The following TET1 variants were observed in gnomAD, a reference collection of about 807,000 sequenced individuals.
The protein encoded by TET1 is tet methylcytosine dioxygenase 1, also known as methylcytosine dioxygenase TET1.
Under a neutral mutation model 148.7 loss-of-function variants are expected in TET1, and 13 were observed. The observed-to-expected ratio is 0.09, with a 90% CI of 0.06 to 0.14. TET1 has a LOEUF of 0.14. Among genes scored for constraint, TET1 ranks in the 10% least tolerant of loss-of-function variants. The probability of loss-of-function intolerance (pLI) is 1.00; values close to 1 mark genes in which losing one functional copy is unlikely to be tolerated. For synonymous variants in TET1, 907 were observed against 937.2 expected (o/e 0.97, Z 0.59); for missense variants, 2,182 against 2,553.8 (o/e 0.85, Z 3.14).
In TET1 at chr10:68,593,915, ATTTTTT is replaced by A. The variant is rs3998851; in HGVS notation, c.1915-7043_1915-7038del. 7.2e-3 allele frequency among the ~76,000 whole-genome samples: 324 copies of A among 44,728 alleles called. 3 individuals are homozygous for A. The highest frequency in any genetic ancestry group is 0.019 in the African/African-American group (226 of 11,930). 29.3% of individuals were successfully genotyped at this position (44,728 alleles called of 152,430 possible). A position where few individuals can be genotyped will look rare whatever the true frequency, so the allele number is the denominator to read the frequency against. On this transcript the variant is annotated intron_variant, in intron 2 of 11. Transcript: ENST00000373644. The stretch of plus-strand genomic sequence containing the variant: ...AGGCGTGAGCCACTGCGCCTGAGCT[ATTTTTT>A]TTTTTTTTTTTTTTTTTTTTTTGAG...
intron 4 of TET1, among the ~76,000 whole-genome samples, chr10:68,648,919 A>G (rs1300029667): frequency 6.6e-6 from 1 of 152,214 alleles, no homozygotes. Context: ...GCTAACACAC[A>G]GTTTTGACAA....
In TET1 at chr10:68,573,784, C is replaced by G; in HGVS notation, c.1446C>G (p.Asn482Lys). 1.2e-6 allele frequency: 2 copies of G among 1,614,036 alleles called. No homozygotes were observed. The highest frequency in any genetic ancestry group is 1.7e-6 in the Non-Finnish European group (2 of 1,180,028). ...GSGHTPQSSS[N>K]SEKNSLPPVM... ...GACACACTCCTCAATCATCATCAAA[C>G]TCAGAGAAAAATTCATTACCTCCAG... is the stretch of plus-strand genomic sequence containing the variant. The change falls in exon 2 of 12, where the codon AAC becomes AAG. Residue 482 changes from asparagine (N) to lysine (K), a missense_variant. Asn to Lys is a moderately conservative substitution (Grantham distance 94). This residue lies in a region of TET1 where 665 missense variants were observed against 672.4 expected (regional missense o/e 0.99). Transcript: ENST00000373644.
chr10:68,565,046 T>G (rs1448568455), intron 1 of TET1, among the ~76,000 whole-genome samples: 1 of 152,046 alleles, frequency 6.6e-6, no homozygotes. Flanking sequence ...AACCTGATAT[T>G]GAGAAACATT....
chr10:68,600,661 G>C (rs2054043251), intron 2 of TET1, among the ~76,000 whole-genome samples: 1 of 152,192 alleles, frequency 6.6e-6, no homozygotes, highest in African/African-American at 2.4e-5. Context: ...TTGCAGAACT[G>C]TTCCACTGTA....
rs763389366 is a variant in TET1, at chr10:68,690,764, A to G, written c.5405-44A>G. 2.6e-6 allele frequency: 4 copies of G among 1,521,448 alleles called. No individual in the cohort carries two copies. The African/African-American group carries it at 4.2e-5, about 16-fold the overall frequency. The allele number at this position is 1,521,448 out of a possible 1,614,324, so 94.2% of individuals were successfully genotyped here. On this transcript the variant is annotated intron_variant, in intron 11 of 11. Coordinates refer to ENST00000373644, the MANE Select transcript of TET1 (RefSeq NM_030625.3). ...TACTTTTTAAAAGGCAACCCCTACC[A>G]AAAGTAATTTGTATTTTTCTTCACA...
intron 2 of TET1, among the ~76,000 whole-genome samples, chr10:68,597,241 C>T (rs1446988549): frequency 1.3e-5 from 2 of 151,806 alleles, no homozygotes; most frequent in African/African-American, 2.4e-5. Context: ...ATCATATTGG[C>T]CAGGCTGGTC....
chr10:68,618,929 G>A (rs914121268), intron 3 of TET1, among the ~76,000 whole-genome samples: 2 of 152,062 alleles, frequency 1.3e-5, no homozygotes, highest in Non-Finnish European at 1.5e-5. Context: ...ATCTTGCCAC[G>A]TCACTCCAGC....
In TET1 at chr10:68,645,282, T is replaced by A; in HGVS notation, c.2553T>A (p.Asn851Lys). The change falls in exon 4 of 12, where the codon AAT (asparagine) becomes AAA (lysine). Residue 851 changes from asparagine (N) to lysine (K), a missense_variant. Around this residue, in one of 11 missense-constraint regions of TET1, gnomAD observed 582 missense variants for 599.5 expected, o/e 0.97. Transcript: ENST00000373644. ...SIINHHASIH[N>K]EGDQPKTPEN... ...TAAATCATCATGCTAGTATACACAA[T>A]GAAGGTGATCAACCAAAAACTCCTG... The A allele has an allele frequency of 6.2e-7, 1 of 1,614,118 alleles. No homozygotes were observed. Among genetic ancestry groups the A allele is most frequent in the Non-Finnish European group, 8.5e-7 (1 of 1,180,038 alleles).
At chr10:68,667,020 A>T in intron 6 of TET1, 25 bp from the exon 7 acceptor site, 2 of 1,601,928 alleles carry the variant, frequency 1.2e-6, no homozygotes, top group Non-Finnish European at 1.7e-6. Flanking sequence ...TGTCTTCCAT[A>T]GATGAATGTA....
intron 10 of TET1, among the ~76,000 whole-genome samples, chr10:68,685,514 G>T (rs924901454): frequency 6.6e-6 from 1 of 152,128 alleles, no homozygotes; most frequent in Non-Finnish European, 1.5e-5. Context: ...AGCACTTAGG[G>T]AGGCCAAGGT....
intron 3 of TET1, among the ~76,000 whole-genome samples, chr10:68,620,839 T>C (rs1180814821): frequency 1.3e-5 from 2 of 152,232 alleles, no homozygotes; most frequent in African/African-American, 2.4e-5. Flanking sequence ...CACTTATTAA[T>C]GTCCATCTTA....
chr10:68,585,194 G>A (rs558257652), intron 2 of TET1, among the ~76,000 whole-genome samples: 1 of 152,274 alleles, frequency 6.6e-6, no homozygotes, highest in Admixed American at 6.5e-5. Context: ...AGTAGAGACA[G>A]GGCTTCTCCA....
rs143873736 is a variant in TET1 at position 68,665,612 on chromosome 10, G to C, written c.4462-1433G>C. Among the ~76,000 whole-genome samples the C allele has an allele frequency of 1.4e-3, 215 of 152,036 alleles. 1 individual carries two copies. The Middle Eastern group carries it at 0.031, about 22-fold the overall frequency. Reference sequence around the variant, plus strand: ...AATATCATCAGTAAAAAGCTTTTTAGCATTTCCTATACAAAAACTTTATTA... The same window carrying C: ...AATATCATCAGTAAAAAGCTTTTTACCATTTCCTATACAAAAACTTTATTA... On this transcript the variant is annotated intron_variant, in intron 6 of 11. Transcript: ENST00000373644.
At chr10:68,583,255 T>A (rs1186697733) in intron 2 of TET1, among the ~76,000 whole-genome samples, 1 of 152,190 alleles carries the variant, frequency 6.6e-6, no homozygotes, top group Admixed American at 6.5e-5. Flanking sequence ...ATTGACTATA[T>A]CAAAGCTGCA....
intron 2 of TET1, among the ~76,000 whole-genome samples, chr10:68,592,366 G>T (rs1330593453): frequency 1.3e-5 from 2 of 152,024 alleles, no homozygotes; most frequent in Non-Finnish European, 2.9e-5. Context: ...TCAGGTCTGG[G>T]ACAAACCAAT....
intron 2 of TET1, among the ~76,000 whole-genome samples, chr10:68,584,973 AC>A (rs2053844884): frequency 6.6e-6 from 1 of 151,760 alleles, no homozygotes; most frequent in Admixed American, 6.6e-5. Context: ...GGCGCCTGCC[AC>A]CATGCCCAGC....
rs1382206307 is a variant in TET1 at position 68,684,246 on chromosome 10, A to AT, written c.5052+1281dup. ...TAAAATATACAATTTTTAAAAAATA[A>AT]TTTTTTTTAGGTTTAGCTACAGCCT... On this transcript the variant is annotated intron_variant, in intron 10 of 11. Coordinates refer to ENST00000373644, the MANE Select transcript of TET1 (RefSeq NM_030625.3). 3.3e-5 allele frequency among the ~76,000 whole-genome samples: 5 copies of AT among 152,022 alleles called. No individual in the cohort carries two copies. In the East Asian group the frequency reaches 7.7e-4, roughly 24 times the overall value.
intron 7 of TET1, among the ~76,000 whole-genome samples, chr10:68,669,642 C>CTG (rs1300167860): frequency 1.3e-5 from 2 of 151,520 alleles, no homozygotes; most frequent in Non-Finnish European, 2.9e-5. Flanking sequence ...GCGTGAGCCA[C>CTG]CACGTCCAGC....
intron 6 of TET1, among the ~76,000 whole-genome samples, chr10:68,659,378 A>T (rs1186040093): frequency 6.6e-6 from 1 of 152,042 alleles, no homozygotes; most frequent in African/African-American, 2.4e-5. Context: ...CCCAGGGTGG[A>T]GTACAGTAGT....
Sources: allele counts gnomAD v4.1 joint callset (sites outside exome capture counted in the v4.1 genomes callset), GRCh38; gene constraint gnomAD v4.1.1; regional missense constraint gnomAD v4.1.1; transcripts MANE v1.5; gene names NCBI Gene and HGNC (gene_info 2026-07-23, HGNC 2026-07-21).